The following TLE4 variants were observed in gnomAD, a reference collection of about 807,000 sequenced individuals.
TLE4 encodes the protein transducin-like enhancer protein 4.
Under a neutral mutation model 92.8 loss-of-function variants are expected in TLE4, and 8 were observed. The observed-to-expected ratio is 0.09, with a 90% CI of 0.05 to 0.16. TLE4 has a LOEUF of 0.16. Ranked by LOEUF, TLE4 falls within the 10% of genes least tolerant of loss-of-function variation. The pLI, the probability that TLE4 is intolerant of heterozygous loss-of-function variation, is 1.00. For synonymous variants in TLE4, 371 were observed against 374.1 expected (o/e 0.99, Z 0.10); for missense variants, 675 against 997.6 (o/e 0.68, Z 4.36).
At chr9:79,615,845 C>G (rs2049447129) in intron 5 of TLE4, among the ~76,000 whole-genome samples, 1 of 152,176 alleles carries the variant, frequency 6.6e-6, no homozygotes, top group Non-Finnish European at 1.5e-5. Flanking sequence ...TAATAATGTG[C>G]TGTTGCACTC....
chr9:79,724,468 C>T (rs937817850), intron 19 of TLE4, among the ~76,000 whole-genome samples: 9 of 152,070 alleles, frequency 5.9e-5, no homozygotes, highest in Non-Finnish European at 8.8e-5. Flanking sequence ...GGCTTGCCTG[C>T]CTAGCTGATG....
intron 6 of TLE4, among the ~76,000 whole-genome samples, chr9:79,648,532 T>G (rs1220134702): frequency 6.6e-5 from 10 of 152,060 alleles, no homozygotes; most frequent in Non-Finnish European, 1.3e-4. Flanking sequence ...GAGGTTGTTC[T>G]AAAAGGTGCA....
At chr9:79,597,690 T>C (rs535249261) in intron 4 of TLE4, among the ~76,000 whole-genome samples, 4 of 152,300 alleles carry the variant, frequency 2.6e-5, no homozygotes, top group Admixed American at 6.5e-5. Flanking sequence ...TTCCCTCTTA[T>C]TCATTAGCCA....
At chr9:79,581,441 TG>T (rs2132029484) in intron 4 of TLE4, among the ~76,000 whole-genome samples, 1 of 152,332 alleles carries the variant, frequency 6.6e-6, no homozygotes, top group South Asian at 2.1e-4. Context: ...TGGATTCTTT[TG>T]TCTTTCTAGA....
At chr9:79,665,561 C>G (rs566483583) in intron 8 of TLE4, among the ~76,000 whole-genome samples, 2 of 152,170 alleles carry the variant, frequency 1.3e-5, no homozygotes, top group East Asian at 1.9e-4. Flanking sequence ...GGAAGCTGCC[C>G]GGGCTGATGT....
intron 3 of TLE4, among the ~76,000 whole-genome samples, chr9:79,575,405 G>T (rs2037427765): frequency 6.6e-6 from 1 of 152,094 alleles, no homozygotes; most frequent in Non-Finnish European, 1.5e-5. Flanking sequence ...AGGAAAGACA[G>T]CAGACCATTT....
At chr9:79,683,348 T>A (rs1433421316) in intron 8 of TLE4, among the ~76,000 whole-genome samples, 1 of 152,204 alleles carries the variant, frequency 6.6e-6, no homozygotes, top group Non-Finnish European at 1.5e-5. Flanking sequence ...CTTTTTGAAA[T>A]GTACACAGGA....
At chr9:79,703,342 C>T (rs1243218359) in intron 8 of TLE4, among the ~76,000 whole-genome samples, 1 of 152,192 alleles carries the variant, frequency 6.6e-6, no homozygotes, top group African/African-American at 2.4e-5. Context: ...TGCCATTCAC[C>T]ACTCAGCAGC....
Position 79,709,717 on chromosome 9 carries a change from T to G in TLE4, c.1340+18T>G, listed in dbSNP as rs561673026. ...GGAAAACCGTGAGTACCTTTTTGCC[T>G]CTGTGCTCATTGTGTGTCAAACTCA... On this transcript the variant is annotated intron_variant, in intron 14 of 19. Coordinates refer to ENST00000376552, the MANE Select transcript of TLE4 (RefSeq NM_007005.6). The G allele has an allele frequency of 1.2e-6, 2 of 1,612,874 alleles. No individual in the cohort carries two copies. Among genetic ancestry groups the G allele is most frequent in the Non-Finnish European group, 1.7e-6 (2 of 1,179,006 alleles).
At chr9:79,691,935 G>A (rs1458046559) in intron 8 of TLE4, among the ~76,000 whole-genome samples, 4 of 152,172 alleles carry the variant, frequency 2.6e-5, no homozygotes, top group Admixed American at 6.5e-5. Flanking sequence ...CCAGTGCTCT[G>A]TGAGAACAAG....
intron 4 of TLE4, among the ~76,000 whole-genome samples, chr9:79,601,726 GTATTGAAATTAGGCCAA>G (rs1338431271): frequency 5.3e-5 from 8 of 152,048 alleles, no homozygotes; most frequent in Non-Finnish European, 2.9e-5. Flanking sequence ...TGAGACAACA[GTATTGAAATTAGGCCAA>G]TTAATAACCC....
intron 4 of TLE4, 83 bp from the exon 5 acceptor site, chr9:79,612,573 T>C: frequency 8.2e-7 from 1 of 1,226,034 alleles, no homozygotes; most frequent in Non-Finnish European, 1.2e-6. Context: ...AAGTATGTTT[T>C]AATATCATCC....
intron 16 of TLE4, 98 bp downstream of exon 16, chr9:79,720,391 TG>T: frequency 9.2e-7 from 1 of 1,086,460 alleles, no homozygotes; most frequent in South Asian, 2.0e-5. Context: ...TGTGTGTGTG[TG>T]TGTGTGTGTG....
chr9:79,614,469 G>A (rs113500543), intron 5 of TLE4, among the ~76,000 whole-genome samples: 9 of 152,268 alleles, frequency 5.9e-5, no homozygotes, highest in African/African-American at 2.2e-4. Flanking sequence ...GGAACAGAAT[G>A]TATAATGGTA....
intron 2 of TLE4, chr9:79,573,993 A>G (rs974263949): frequency 5.1e-5 from 19 of 371,504 alleles, no homozygotes; most frequent in African/African-American, 3.7e-4. Flanking sequence ...GTAAATAAAA[A>G]GAAGGCAGAA....
intron 8 of TLE4, among the ~76,000 whole-genome samples, chr9:79,657,338 G>T (rs2059914233): frequency 2.0e-5 from 3 of 152,174 alleles, no homozygotes; most frequent in Non-Finnish European, 4.4e-5. Flanking sequence ...TAGGCTAAGG[G>T]GGAGTGTTCT....
intron 4 of TLE4, among the ~76,000 whole-genome samples, chr9:79,591,661 A>AC (rs1192402113): frequency 6.6e-6 from 1 of 152,148 alleles, no homozygotes; most frequent in Non-Finnish European, 1.5e-5. Context: ...TGAAGTCTGA[A>AC]CTAGGGAAGT....
chr9:79,652,107 C>A (rs1373433476), intron 6 of TLE4, among the ~76,000 whole-genome samples: 2 of 119,310 alleles, frequency 1.7e-5, no homozygotes, highest in African/African-American at 5.3e-5. Context: ...CATTTATTGA[C>A]TACACAGCTC....
chr9:79,684,659 T>C (rs962873909), intron 8 of TLE4, among the ~76,000 whole-genome samples: 23 of 152,162 alleles, frequency 1.5e-4, no homozygotes, highest in Non-Finnish European at 2.6e-4. Flanking sequence ...CCAAAAAGAT[T>C]GGGGACTGCT....
Sources: allele counts gnomAD v4.1 joint callset (sites outside exome capture counted in the v4.1 genomes callset), GRCh38; gene constraint gnomAD v4.1.1; transcripts MANE v1.5; gene names NCBI Gene and HGNC (gene_info 2026-07-23, HGNC 2026-07-21).